ITPRIP: variants seen among roughly 807,000 people sequenced by gnomAD.
The protein encoded by ITPRIP is inositol 1,4,5-trisphosphate receptor interacting protein.
A neutral mutation model predicts 35.8 loss-of-function variants in ITPRIP; 32 were observed. The ratio of observed to expected loss-of-function variants is 0.89; its 90% confidence interval spans 0.68 to 1.20. The LOEUF (loss-of-function observed/expected upper bound fraction) is 1.20. Ranked by LOEUF, ITPRIP falls within the 50% of genes most tolerant of loss-of-function variation. The pLI is 0.00. For missense variants in ITPRIP, 653 were observed against 735.6 expected (o/e 0.89, Z 1.30); for synonymous variants, 358 against 324.0 (o/e 1.11, Z -1.13).
In ITPRIP at chr10:104,316,842, G is replaced by C. The variant is rs71473517; in HGVS notation, c.-13-778C>G. Among the ~76,000 whole-genome samples, 178 of 152,300 alleles carry C rather than the reference G, an allele frequency of 1.2e-3. 1 individual carries two copies. The highest frequency in any genetic ancestry group is 1.9e-3 in the Non-Finnish European group (131 of 68,032). Reference sequence around the variant, plus strand: ...CAATACAGTGAAGCCTAGTGGTTAAGGGAGAAAGGGCTAGGTTCCAAACCA... The same window carrying C: ...CAATACAGTGAAGCCTAGTGGTTAACGGAGAAAGGGCTAGGTTCCAAACCA... On this transcript the variant is annotated intron_variant, in intron 1 of 1. Transcript: ENST00000337478.
chr10:104,337,540 G>C (rs1455676150), intron 1 of ITPRIP, among the ~76,000 whole-genome samples: 1 of 151,928 alleles, frequency 6.6e-6, no homozygotes, highest in Non-Finnish European at 1.5e-5. Flanking sequence ...TGGATGGGGA[G>C]TCCCGCCCCG....
rs1358463057 is a variant in ITPRIP, at chr10:104,314,515, A to G, written c.1537T>C (p.Tyr513His). The G allele has an allele frequency of 1.9e-6, 3 of 1,614,064 alleles. No individual in the cohort carries two copies. Among genetic ancestry groups the G allele is most frequent in the Non-Finnish European group, 2.5e-6 (3 of 1,180,024 alleles). The change falls in exon 2 of 2, where the codon TAC becomes CAC. Residue 513 changes from tyrosine to histidine, a missense_variant. Physicochemically the swap from Tyr to His is moderately conservative, Grantham distance 83 (BLOSUM62 2). Coordinates refer to ENST00000337478, the MANE Select transcript of ITPRIP (RefSeq NM_001272013.2). ...TAGAAGGAGTCCAGTGTCTTACGGT[A>G]AAGGCTTCGCTGCAGGACGAAGGGC... The part of the protein sequence containing the change: ...FRPFVLQRSL[Y>H]RKTLDSFYEM...
In ITPRIP at chr10:104,313,332, G is replaced by A. The variant is rs1466611253; in HGVS notation, c.*1076C>T. On this transcript the variant is annotated 3_prime_UTR_variant, in exon 2 of 2. Transcript: ENST00000337478. ...AGCATTTTTGAGCACCTCATCGAAG[G>A]AGTCTACTGTCTTACAGCAGAGACT... 2.0e-6 allele frequency: 2 copies of A among 986,204 alleles called. No homozygotes were observed. The highest frequency in any genetic ancestry group is 4.7e-5 in the South Asian group (1 of 21,364). The allele number at this position is 986,204 out of a possible 1,614,324, so 61.1% of individuals were successfully genotyped here.
intron 1 of ITPRIP, among the ~76,000 whole-genome samples, chr10:104,337,702 G>C (rs1322775322): frequency 6.6e-6 from 1 of 152,080 alleles, no homozygotes; most frequent in Non-Finnish European, 1.5e-5. Flanking sequence ...AGAGGAAGCG[G>C]CGGGGATTTT....
At chr10:104,335,517 G>A (rs548808196) in intron 1 of ITPRIP, among the ~76,000 whole-genome samples, 1 of 152,266 alleles carries the variant, frequency 6.6e-6, no homozygotes, top group African/African-American at 2.4e-5. Flanking sequence ...AACTGGATCT[G>A]CCACCTCACA....
chr10:104,314,774 G>A lies in ITPRIP; in HGVS notation c.1278C>T (p.Ser426=), dbSNP rs141019864. ...LSKQSRLTGP[S]GLSSYHLKTA... is the part of the protein sequence containing the mutation. ...TCTTCAGGTGGTAGCTGCTGAGCCC[G>A]CTGGGACCGGTCAGGCGGCTCTGCT... Residue 426 remains serine, a synonymous_variant, in exon 2 of 2, where the codon AGC becomes AGT. Transcript: ENST00000337478. 1,956 of 1,613,880 alleles carry A rather than the reference G, an allele frequency of 1.2e-3. 22 individuals carry two copies. The highest frequency in any genetic ancestry group is 0.012 in the South Asian group (1,075 of 91,084).
Position 104,313,924 on chromosome 10 carries a change from CCT to C in ITPRIP, c.*482_*483del, listed in dbSNP as rs1312503533. 1.0e-6 allele frequency: 1 copy of C among 989,590 alleles called. No individual in the cohort carries two copies. The highest frequency in any genetic ancestry group is 1.2e-6 in the Non-Finnish European group (1 of 832,776). The allele number at this position is 989,590 out of a possible 1,614,324, so 61.3% of individuals were successfully genotyped here. A position where few individuals can be genotyped will look rare whatever the true frequency, so the allele number is the denominator to read the frequency against. On this transcript the variant is annotated 3_prime_UTR_variant, in exon 2 of 2. Coordinates refer to ENST00000337478, the MANE Select transcript of ITPRIP (RefSeq NM_001272013.2). ...AAAGGTGGACATTCCCATATCTGTC[CCT>C]GTTAGTGCTTTGGCTGCAGATGGTC...
chr10:104,313,685 AG>A lies in ITPRIP; in HGVS notation c.*722del, dbSNP rs1475052983. The stretch of plus-strand genomic sequence containing the variant: ...AGTACGTTGGGGAAAGGACAGCAGA[AG>A]GGGGTGCACCTGAGTGAGAAGTGTA... On this transcript the variant is annotated 3_prime_UTR_variant, in exon 2 of 2. Transcript: ENST00000337478. 1.0e-4 allele frequency: 102 copies of A among 985,422 alleles called. No individual in the cohort carries two copies. The highest frequency in any genetic ancestry group is 1.2e-4 in the Non-Finnish European group (97 of 830,002). The allele number at this position is 985,422 out of a possible 1,614,324, so 61.0% of individuals were successfully genotyped here.
At chr10:104,336,809 C>T (rs1396682451) in intron 1 of ITPRIP, among the ~76,000 whole-genome samples, 2 of 152,216 alleles carry the variant, frequency 1.3e-5, no homozygotes, top group Non-Finnish European at 2.9e-5. Flanking sequence ...AAAAGTTAAG[C>T]TTGGGAACTC....
chr10:104,314,097 T>G lies in ITPRIP; in HGVS notation c.*311A>C, dbSNP rs2013560749. 13 of 1,141,158 alleles carry G rather than the reference T, an allele frequency of 1.1e-5. 1 individual carries two copies. In the South Asian group the frequency reaches 3.9e-4, roughly 34 times the overall value. The allele number at this position is 1,141,158 out of a possible 1,614,324, so 70.7% of individuals were successfully genotyped here. Reference sequence around the variant, plus strand: ...CCCAATCCAACATTTGCATTGTCTCTAACTCAGGGTCCACAGCGTGTTCTG... The same window carrying G: ...CCCAATCCAACATTTGCATTGTCTCGAACTCAGGGTCCACAGCGTGTTCTG... On this transcript the variant is annotated 3_prime_UTR_variant, in exon 2 of 2. Transcript: ENST00000337478.
rs903287866 is a variant in ITPRIP, at chr10:104,312,590, C to T, written c.*1818G>A. Reference sequence around the variant, plus strand: ...CATTCCCTGGAGTGCCCCGCAACTGCGTCTAGGGAGAGGCAGGCCCAAGCA... The same window carrying T: ...CATTCCCTGGAGTGCCCCGCAACTGTGTCTAGGGAGAGGCAGGCCCAAGCA... On this transcript the variant is annotated 3_prime_UTR_variant, in exon 2 of 2. Coordinates refer to ENST00000337478, the MANE Select transcript of ITPRIP (RefSeq NM_001272013.2). 1.3e-5 allele frequency: 13 copies of T among 983,682 alleles called. No individual in the cohort carries two copies. In the South Asian group the frequency reaches 1.9e-4, roughly 14 times the overall value. The allele number at this position is 983,682 out of a possible 1,614,324, so 60.9% of individuals were successfully genotyped here.
In ITPRIP at chr10:104,315,418, C is replaced by G. The variant is rs567131944; in HGVS notation, c.634G>C (p.Val212Leu). ...VDRPLLCHLF[V>L]PFTPPEPYRF... is the part of the protein sequence containing the mutation. ...TAGGGCTCGGGGGGTGTGAAGGGCACGAAAAGGTGGCACAGCAGTGGCCTG... is the reference window on the plus strand; with the variant it reads ...TAGGGCTCGGGGGGTGTGAAGGGCAGGAAAAGGTGGCACAGCAGTGGCCTG... Residue 212 changes from valine (V) to leucine (L), a missense_variant, in exon 2 of 2, where the codon GTG becomes CTG. Val to Leu is a conservative substitution (Grantham distance 32, BLOSUM62 1). Transcript: ENST00000337478. The surrounding 1 kb of genome is among the most constrained non-coding windows in gnomAD (Gnocchi z 5.7). The G allele has an allele frequency of 1.3e-6, 2 of 1,591,394 alleles. No homozygotes were observed. Among genetic ancestry groups the G allele is most frequent in the East Asian group, 4.5e-5 (2 of 44,600 alleles).
At chr10:104,332,971 C>A (rs1178498396) in intron 1 of ITPRIP, among the ~76,000 whole-genome samples, 1 of 152,238 alleles carries the variant, frequency 6.6e-6, no homozygotes, top group African/African-American at 2.4e-5. Context: ...ACAGGCCATG[C>A]ATAACAGATA....
chr10:104,318,095 C>A (rs2013737341), intron 1 of ITPRIP, among the ~76,000 whole-genome samples: 1 of 152,178 alleles, frequency 6.6e-6, no homozygotes, highest in African/African-American at 2.4e-5. Flanking sequence ...AGAAGTCACA[C>A]TGCAAGGTGG....
In ITPRIP at chr10:104,313,899, A is replaced by C. The variant is rs2013555544; in HGVS notation, c.*509T>G. ...ACCACTATTGTGCAGGATGCGGATC[A>C]AAGGTGGACATTCCCATATCTGTCC... On this transcript the variant is annotated 3_prime_UTR_variant, in exon 2 of 2. Transcript: ENST00000337478. 2 of 987,530 alleles carry C rather than the reference A, an allele frequency of 2.0e-6. No homozygotes were observed. The highest frequency in any genetic ancestry group is 9.4e-5 in the South Asian group (2 of 21,386). 61.2% of individuals were successfully genotyped at this position (987,530 alleles called of 1,614,324 possible). A position where few individuals can be genotyped will look rare whatever the true frequency, so the allele number is the denominator to read the frequency against.
At chr10:104,323,998 C>T in intron 1 of ITPRIP, 1 of 152,754 alleles carries the variant, frequency 6.5e-6, no homozygotes, top group Non-Finnish European at 1.5e-5. Context: ...ACGCACGGGG[C>T]TGGGCACACT....
chr10:104,316,335 A>T (rs2013688442), intron 1 of ITPRIP, among the ~76,000 whole-genome samples: 1 of 152,062 alleles, frequency 6.6e-6, no homozygotes, highest in South Asian at 2.1e-4. Context: ...TTCTCCTACC[A>T]GTCCTTATGG....
intron 1 of ITPRIP, among the ~76,000 whole-genome samples, chr10:104,329,550 G>A (rs937707086): frequency 2.0e-5 from 3 of 152,018 alleles, no homozygotes; most frequent in Non-Finnish European, 4.4e-5. Context: ...TCATATGTGC[G>A]TCAGTCAGAC....
chr10:104,313,991 C>T lies in ITPRIP; in HGVS notation c.*417G>A. 1 of 1,004,496 alleles carries T rather than the reference C, an allele frequency of 1.0e-6. No homozygotes were observed. Among genetic ancestry groups the T allele is most frequent in the Non-Finnish European group, 1.2e-6 (1 of 841,012 alleles). 62.2% of individuals were successfully genotyped at this position (1,004,496 alleles called of 1,614,324 possible). On this transcript the variant is annotated 3_prime_UTR_variant, in exon 2 of 2. Transcript: ENST00000337478. ...TGGGAATAGGGGTGCTGGGTCTTAA[C>T]ACGGTTCCCTGTCAGCATTCTTGTA...
Sources: gnomAD v4.1 joint callset for allele counts (sites outside exome capture counted in the v4.1 genomes callset) on GRCh38, gnomAD v4.1.1 for gene constraint, Gnocchi (gnomAD v3.1) non-coding constraint, MANE v1.5 for transcripts, NCBI Gene and HGNC (gene_info 2026-07-23, HGNC 2026-07-21) for gene names.